The following GDF6 variants were observed in gnomAD, a reference collection of about 807,000 sequenced individuals.
GDF6 encodes growth differentiation factor 6, also known as growth/differentiation factor 6.
In GDF6, 3 loss-of-function variants were observed where a neutral mutation model predicts 32.4. That is an observed-to-expected ratio of 0.09 (90% CI 0.04 to 0.24). The LOEUF is 0.24. Ranked by LOEUF, GDF6 falls within the 10% of genes least tolerant of loss-of-function variation. The pLI is 1.00. For synonymous variants in GDF6, 296 were observed against 295.3 expected (o/e 1.00, Z -0.03); for missense variants, 589 against 637.9 (o/e 0.92, Z 0.83).
intron 1 of GDF6, among the ~76,000 whole-genome samples, chr8:96,154,121 GC>G (rs1812617547): frequency 6.6e-6 from 1 of 152,116 alleles, no homozygotes; most frequent in Non-Finnish European, 1.5e-5. Context: ...CCCCACTAAA[GC>G]CAATCCCCTG....
chr8:96,145,007 G>T lies in GDF6; in HGVS notation c.924C>A (p.Gly308=), dbSNP rs1586118480. 4.3e-6 allele frequency: 6 copies of T among 1,384,362 alleles called. No individual in the cohort carries two copies. Among genetic ancestry groups the T allele is most frequent in the Non-Finnish European group, 5.6e-6 (6 of 1,067,860 alleles). 85.8% of individuals were successfully genotyped at this position (1,384,362 alleles called of 1,614,324 possible). A position where few individuals can be genotyped will look rare whatever the true frequency, so the allele number is the denominator to read the frequency against. ...ACGGCGGCGGCCACGACCCCTCGGC[G>T]CCCGCGCCCGGGCCCGCAGCCTCGG... ...GSAEAAGPGA[G]AEGSWPPPSG... is the part of the protein sequence containing the mutation. Residue 308 remains glycine (G), a synonymous_variant, in exon 2 of 2, where the codon GGC becomes GGA. Coordinates refer to ENST00000287020, the MANE Select transcript of GDF6 (RefSeq NM_001001557.4). The surrounding 1 kb of genome is among the most constrained non-coding windows in gnomAD (Gnocchi z 5.6).
chr8:96,144,559 A>C lies in GDF6; in HGVS notation c.*4T>G. On this transcript the variant is annotated 3_prime_UTR_variant, in exon 2 of 2. Transcript: ENST00000287020. The surrounding 1 kb of genome is among the most constrained non-coding windows in gnomAD (Gnocchi z 5.1). ...TCCGGGCCAAGGCGGCGGGAAAGGC[A>C]CCGCTACCTGCAGCCGCACGACTCC... is the stretch of plus-strand genomic sequence containing the variant. 6.2e-7 allele frequency: 1 copy of C among 1,613,454 alleles called. No individual in the cohort carries two copies. The highest frequency in any genetic ancestry group is 1.3e-5 in the African/African-American group (1 of 75,020).
At position 96,158,024 on chromosome 8, in the gene GDF6, C is replaced by T. The variant is rs1812697318; in HGVS notation, c.406+2263G>A. Among the ~76,000 whole-genome samples the T allele has an allele frequency of 2.0e-5, 3 of 152,306 alleles. No individual in the cohort carries two copies. In the South Asian group the frequency reaches 6.2e-4, roughly 32 times the overall value. The stretch of plus-strand genomic sequence containing the variant: ...CCCGCGCGGCGTGCGACAAGCCGCA[C>T]CGCCTTCCCAGTCAACGAACTGCCT... On this transcript the variant is annotated intron_variant, in intron 1 of 1. Coordinates refer to ENST00000287020, the MANE Select transcript of GDF6 (RefSeq NM_001001557.4).
In GDF6 at chr8:96,144,527, C is replaced by A; in HGVS notation, c.*36G>T. On this transcript the variant is annotated 3_prime_UTR_variant, in exon 2 of 2. Transcript: ENST00000287020. The surrounding 1 kb of genome is among the most constrained non-coding windows in gnomAD (Gnocchi z 5.1). ...CCCCTGCAAGGCGGACCTTGGCCCA[C>A]CTTGGTTCCGGGCCAAGGCGGCGGG... is the stretch of plus-strand genomic sequence containing the variant. 1 of 1,609,064 alleles carries A rather than the reference C, an allele frequency of 6.2e-7. No homozygotes were observed. Among genetic ancestry groups the A allele is most frequent in the East Asian group, 2.2e-5 (1 of 44,640 alleles).
Position 96,156,409 on chromosome 8 carries a change from C to CCT in GDF6, c.406+3876_406+3877dup, listed in dbSNP as rs1444250623. Among the ~76,000 whole-genome samples the CCT allele has an allele frequency of 6.0e-3, 693 of 115,540 alleles. 9 individuals are homozygous for CCT. The highest frequency in any genetic ancestry group is 0.033 in the South Asian group (114 of 3,460). The allele number at this position is 115,540 out of a possible 152,430, so 75.8% of individuals were successfully genotyped here. On this transcript the variant is annotated intron_variant, in intron 1 of 1. Coordinates refer to ENST00000287020, the MANE Select transcript of GDF6 (RefSeq NM_001001557.4). ...CTCTCTCTCTCTCTCTCTCTCTTTCCCTCTCTCTCTCTCTCTCTGTCTCTC... is the reference window on the plus strand; with the variant it reads ...CTCTCTCTCTCTCTCTCTCTCTTTCCCTCTCTCTCTCTCTCTCTCTGTCTCTC...
At position 96,145,300 on chromosome 8, in the gene GDF6, C is replaced by T. The variant is rs552234954; in HGVS notation, c.631G>A (p.Gly211Ser). 10 of 1,529,982 alleles carry T rather than the reference C, an allele frequency of 6.5e-6. No individual in the cohort carries two copies. Among genetic ancestry groups the T allele is most frequent in the Non-Finnish European group, 7.0e-6 (8 of 1,144,616 alleles). 94.8% of individuals were successfully genotyped at this position (1,529,982 alleles called of 1,614,324 possible). A position where few individuals can be genotyped will look rare whatever the true frequency, so the allele number is the denominator to read the frequency against. ...TLDPQGAPPA[G>S]WEVFDVWQGL... ...TGCCACACGTCGAAGACTTCCCAGCCGGCCGGCGGCGCCCCCTGCGGGTCC... is the reference window on the plus strand; with the variant it reads ...TGCCACACGTCGAAGACTTCCCAGCTGGCCGGCGGCGCCCCCTGCGGGTCC... The change falls in exon 2 of 2, where the codon GGC (glycine) becomes AGC (serine). Residue 211 changes from glycine to serine, a missense_variant. Gly to Ser is a moderately conservative substitution (Grantham distance 56). Transcript: ENST00000287020. The surrounding 1 kb of genome is among the most constrained non-coding windows in gnomAD (Gnocchi z 5.6).
chr8:96,144,678 C>T lies in GDF6; in HGVS notation c.1253G>A (p.Ser418Asn), dbSNP rs1268429638. 3 of 1,614,036 alleles carry T rather than the reference C, an allele frequency of 1.9e-6. No individual in the cohort carries two copies. In the African/African-American group the frequency reaches 4.0e-5, roughly 22 times the overall value. ...AGTCAATTTGGTGGGCACGCAGCAG[C>T]TGGGCGGGGTGGAGCCGGGGTCCAT... Reference protein sequence around the residue: ...NSMDPGSTPPSCCVPTKLTPI... With the variant: ...NSMDPGSTPPNCCVPTKLTPI... The change falls in exon 2 of 2, where the codon AGC becomes AAC. Residue 418 changes from serine to asparagine, a missense_variant. By Grantham distance (46) the Ser-to-Asn change is conservative. Coordinates refer to ENST00000287020, the MANE Select transcript of GDF6 (RefSeq NM_001001557.4). This position sits in a 1 kb window ranked among gnomAD's most constrained non-coding sequence, Gnocchi z 5.1.
In GDF6 at chr8:96,142,788, T is replaced by C. The variant is rs753312959; in HGVS notation, c.*1775A>G. 6.6e-6 allele frequency: 1 copy of C among 152,624 alleles called. No homozygotes were observed. The highest frequency in any genetic ancestry group is 1.5e-5 in the Non-Finnish European group (1 of 68,056). The allele number at this position is 152,624 out of a possible 1,614,324, so 9.5% of individuals were successfully genotyped here. ...TTATTTCTCCTGGCCAAGTCTTTTT[T>C]TCACTTAGCATTTTTATATTAGCAT... On this transcript the variant is annotated 3_prime_UTR_variant, in exon 2 of 2. Coordinates refer to ENST00000287020, the MANE Select transcript of GDF6 (RefSeq NM_001001557.4).
intron 1 of GDF6, among the ~76,000 whole-genome samples, chr8:96,150,283 C>G (rs980604828): frequency 2.0e-5 from 3 of 152,208 alleles, no homozygotes; most frequent in Middle Eastern, 3.2e-3. Flanking sequence ...CGTCCCGCCA[C>G]GCCTCCCAGC....
In GDF6 at chr8:96,144,823, C is replaced by A. The variant is rs1408241682; in HGVS notation, c.1108G>T (p.Asp370Tyr). 1 of 1,614,098 alleles carries A rather than the reference C, an allele frequency of 6.2e-7. No homozygotes were observed. Reference sequence around the variant, plus strand: ...TACTCCAGGGGCGCGATAATCCAGTCGTCCCAGCCCAGCTCCTTGAAGTTC... The same window carrying A: ...TACTCCAGGGGCGCGATAATCCAGTAGTCCCAGCCCAGCTCCTTGAAGTTC... ...HVNFKELGWD[D>Y]WIIAPLEYEA... Residue 370 changes from aspartate to tyrosine, a missense_variant, in exon 2 of 2, where the codon GAC (aspartate) becomes TAC (tyrosine). Asp to Tyr is a radical substitution (Grantham distance 160). Coordinates refer to ENST00000287020, the MANE Select transcript of GDF6 (RefSeq NM_001001557.4). This position sits in a 1 kb window ranked among gnomAD's most constrained non-coding sequence, Gnocchi z 5.1.
rs1375596065 is a variant in GDF6, at chr8:96,143,771, C to G, written c.*792G>C. The stretch of plus-strand genomic sequence containing the variant: ...TGTCATTCCATCCATACCAGCTCCC[C>G]TTGCCCCCACCAGAAAAAGCAACAA... On this transcript the variant is annotated 3_prime_UTR_variant, in exon 2 of 2. Coordinates refer to ENST00000287020, the MANE Select transcript of GDF6 (RefSeq NM_001001557.4). 2 of 153,022 alleles carry G rather than the reference C, an allele frequency of 1.3e-5. No individual in the cohort carries two copies. Among genetic ancestry groups the G allele is most frequent in the African/African-American group, 2.4e-5 (1 of 41,434 alleles). 9.5% of individuals were successfully genotyped at this position (153,022 alleles called of 1,614,324 possible).
intron 1 of GDF6, among the ~76,000 whole-genome samples, chr8:96,158,361 G>A (rs1472903964): frequency 6.6e-6 from 1 of 152,186 alleles, no homozygotes; most frequent in East Asian, 1.9e-4. Flanking sequence ...AAGTGATTTC[G>A]CGTCTACGCC....
intron 1 of GDF6, 68 bp downstream of exon 1, chr8:96,160,219 A>G: frequency 6.7e-7 from 1 of 1,501,326 alleles, no homozygotes; most frequent in Non-Finnish European, 9.3e-7. Flanking sequence ...TGTAGCCTCC[A>G]GCGGGAACAG....
Position 96,144,174 on chromosome 8 carries a change from A to G in GDF6, c.*389T>C, listed in dbSNP as rs1262656641. The stretch of plus-strand genomic sequence containing the variant: ...TCCATGGAGCAGTTGAGAAACGGGT[A>G]TGCATCTCTCCTCCCCTCCCCTTCT... On this transcript the variant is annotated 3_prime_UTR_variant, in exon 2 of 2. Coordinates refer to ENST00000287020, the MANE Select transcript of GDF6 (RefSeq NM_001001557.4). The surrounding 1 kb of genome is among the most constrained non-coding windows in gnomAD (Gnocchi z 5.1). 1.3e-5 allele frequency: 3 copies of G among 238,680 alleles called. No homozygotes were observed. Among genetic ancestry groups the G allele is most frequent in the Admixed American group, 5.2e-5 (1 of 19,162 alleles). The allele number at this position is 238,680 out of a possible 1,614,324, so 14.8% of individuals were successfully genotyped here.
At chr8:96,148,315 C>T (rs900470991) in intron 1 of GDF6, among the ~76,000 whole-genome samples, 3 of 152,186 alleles carry the variant, frequency 2.0e-5, no homozygotes, top group Admixed American at 6.5e-5. Context: ...ATCAGTGGTT[C>T]GATCTACCTT....
chr8:96,158,524 A>C (rs998942209), intron 1 of GDF6, among the ~76,000 whole-genome samples: 2 of 152,154 alleles, frequency 1.3e-5, no homozygotes, highest in Non-Finnish European at 2.9e-5. Flanking sequence ...GGAGGGGCAG[A>C]GATTCTTGCC....
At position 96,145,490 on chromosome 8, in the gene GDF6, C is replaced by A; in HGVS notation, c.441G>T (p.Lys147Asn). 1.9e-6 allele frequency: 3 copies of A among 1,597,974 alleles called. No homozygotes were observed. Among genetic ancestry groups the A allele is most frequent in the Non-Finnish European group, 2.5e-6 (3 of 1,179,636 alleles). Residue 147 changes from lysine (K) to asparagine (N), a missense_variant, in exon 2 of 2, where the codon AAG becomes AAT. This residue lies in a region of GDF6 where 436 missense variants were observed against 411.2 expected (regional missense o/e 1.06). Coordinates refer to ENST00000287020, the MANE Select transcript of GDF6 (RefSeq NM_001001557.4). The surrounding 1 kb of genome is among the most constrained non-coding windows in gnomAD (Gnocchi z 5.6). Reference sequence around the variant, plus strand: ...AGAGCATGGACACATCAAACAAATACTTCTGTCTCCGGAGAGGAGTGTGCG... The same window carrying A: ...AGAGCATGGACACATCAAACAAATAATTCTGTCTCCGGAGAGGAGTGTGCG... Reference protein sequence around the residue: ...DLSHTPLRRQKYLFDVSMLSD... With the variant: ...DLSHTPLRRQNYLFDVSMLSD...
At chr8:96,157,620 C>A (rs1812691038) in intron 1 of GDF6, among the ~76,000 whole-genome samples, 1 of 152,182 alleles carries the variant, frequency 6.6e-6, no homozygotes, top group Non-Finnish European at 1.5e-5. Context: ...TTCCTCCTCG[C>A]CAGGCCGTCC....
At position 96,143,658 on chromosome 8, in the gene GDF6, G is replaced by T. The variant is rs1049413967; in HGVS notation, c.*905C>A. 1 of 152,652 alleles carries T rather than the reference G, an allele frequency of 6.6e-6. No homozygotes were observed. Among genetic ancestry groups the T allele is most frequent in the African/African-American group, 2.4e-5 (1 of 41,430 alleles). 9.5% of individuals were successfully genotyped at this position (152,652 alleles called of 1,614,324 possible). A position where few individuals can be genotyped will look rare whatever the true frequency, so the allele number is the denominator to read the frequency against. ...ATTTGGGTGGGCTACCTCCAGCCTGGGCTAATGCACCTCCGTGTCAGCCCC... is the reference window on the plus strand; with the variant it reads ...ATTTGGGTGGGCTACCTCCAGCCTGTGCTAATGCACCTCCGTGTCAGCCCC... On this transcript the variant is annotated 3_prime_UTR_variant, in exon 2 of 2. Transcript: ENST00000287020.
Sources: gnomAD v4.1 joint callset for allele counts (sites outside exome capture counted in the v4.1 genomes callset) on GRCh38, gnomAD v4.1.1 for gene constraint, gnomAD v4.1.1 regional missense constraint, Gnocchi (gnomAD v3.1) non-coding constraint, MANE v1.5 for transcripts, NCBI Gene and HGNC (gene_info 2026-07-23, HGNC 2026-07-21) for gene names.